RARB: variants seen among roughly 807,000 people sequenced by gnomAD.
RARB encodes retinoic acid receptor beta.
In RARB, 17 loss-of-function variants were observed where a neutral mutation model predicts 51.9. That is an observed-to-expected ratio of 0.33 (90% CI 0.22 to 0.49). The LOEUF (loss-of-function observed/expected upper bound fraction) is 0.49. RARB is among the 20% of genes least tolerant of loss of function. RARB has a pLI of 0.99. For synonymous variants in RARB, 215 were observed against 195.4 expected (o/e 1.10, Z -0.84); for missense variants, 369 against 550.8 (o/e 0.67, Z 3.30).
intron 2 of RARB, among the ~76,000 whole-genome samples, chr3:25,030,990 A>G (rs949828655): frequency 2.6e-5 from 4 of 152,186 alleles, no homozygotes; most frequent in African/African-American, 9.7e-5. Context: ...CTACTATAGG[A>G]ATGTAACCCT....
chr3:25,078,525 C>T (rs1698921335), intron 3 of RARB, among the ~76,000 whole-genome samples: 1 of 131,418 alleles, frequency 7.6e-6, no homozygotes, highest in South Asian at 2.4e-4. Context: ...GCAAGTCCTC[C>T]AACTTTCTAT....
intron 1 of RARB, among the ~76,000 whole-genome samples, chr3:24,836,526 A>T (rs1363891589): frequency 1.3e-5 from 2 of 152,168 alleles, no homozygotes; most frequent in Non-Finnish European, 2.9e-5. Flanking sequence ...TAATCAGAAT[A>T]TGACATTTAT....
chr3:25,044,596 G>A (rs988091303), intron 2 of RARB, among the ~76,000 whole-genome samples: 3 of 152,198 alleles, frequency 2.0e-5, no homozygotes, highest in African/African-American at 7.2e-5. Flanking sequence ...GCCGGCACAT[G>A]CCTGGCTTAT....
chr3:25,066,484 T>C (rs1698664597), intron 3 of RARB, among the ~76,000 whole-genome samples: 1 of 152,186 alleles, frequency 6.6e-6, no homozygotes, highest in African/African-American at 2.4e-5. Context: ...AAAGGCAGTA[T>C]GGGCAAATCC....
chr3:25,493,897 C>T (rs534729833), intron 2 of RARB, among the ~76,000 whole-genome samples: 1 of 152,280 alleles, frequency 6.6e-6, no homozygotes, highest in South Asian at 2.1e-4. Context: ...AAATAACTTC[C>T]ATTCAAAACA....
At chr3:25,539,532 C>CTTTTTTTTTTTTTTTTTTTT (rs56693487) in intron 3 of RARB, among the ~76,000 whole-genome samples, 1 of 102,428 alleles carries the variant, frequency 9.8e-6, no homozygotes, top group African/African-American at 4.3e-5. Context: ...CTCTCTCTCT[C>CTTTTTTTTTTTTTTTTTTTT]TTTTTTTTTT....
chr3:24,967,261 A>G (rs958128641), intron 2 of RARB, among the ~76,000 whole-genome samples: 1 of 152,078 alleles, frequency 6.6e-6, no homozygotes, highest in Non-Finnish European at 1.5e-5. Flanking sequence ...TCCCTCAGCT[A>G]GATTTATTCC....
intron 5 of RARB, among the ~76,000 whole-genome samples, chr3:25,219,348 G>A (rs1202709956): frequency 6.6e-6 from 1 of 152,062 alleles, no homozygotes; most frequent in Admixed American, 6.5e-5. Context: ...TTTTCTGGCT[G>A]TTCCTGTAAA....
intron 5 of RARB, among the ~76,000 whole-genome samples, chr3:25,190,144 A>T (rs1701065303): frequency 6.6e-6 from 1 of 152,054 alleles, no homozygotes; most frequent in African/African-American, 2.4e-5. Flanking sequence ...TTGTCAATGG[A>T]AAATCATAGT....
At chr3:25,304,460 A>G (rs1318293832) in intron 5 of RARB, among the ~76,000 whole-genome samples, 1 of 152,156 alleles carries the variant, frequency 6.6e-6, no homozygotes, top group African/African-American at 2.4e-5. Context: ...TTTCTTCACT[A>G]TTCAACTTGT....
chr3:24,933,270 AT>A (rs1357922298), intron 2 of RARB, among the ~76,000 whole-genome samples: 2 of 149,416 alleles, frequency 1.3e-5, no homozygotes, highest in Non-Finnish European at 3.0e-5. Flanking sequence ...CCATAACTAT[AT>A]TTCACTATAC....
At chr3:25,486,941 A>G (rs940654545) in intron 2 of RARB, among the ~76,000 whole-genome samples, 4 of 152,176 alleles carry the variant, frequency 2.6e-5, no homozygotes, top group African/African-American at 9.7e-5. Context: ...AGATTAGGAC[A>G]AGGTTTGGAT....
At chr3:25,369,107 T>C (rs1157958805) in intron 5 of RARB, among the ~76,000 whole-genome samples, 3 of 152,214 alleles carry the variant, frequency 2.0e-5, no homozygotes. Context: ...TACATAGCAA[T>C]TTCTTTCACC....
intron 3 of RARB, among the ~76,000 whole-genome samples, chr3:25,526,697 T>C (rs1698666745): frequency 6.6e-6 from 1 of 152,120 alleles, no homozygotes; most frequent in South Asian, 2.1e-4. Flanking sequence ...GATGAGTGGG[T>C]GAATGAATGG....
At chr3:24,885,036 C>A (rs928704178) in intron 2 of RARB, among the ~76,000 whole-genome samples, 3 of 152,070 alleles carry the variant, frequency 2.0e-5, no homozygotes, top group Non-Finnish European at 2.9e-5. Context: ...AGGACCTTGA[C>A]GATTTTAGCC....
At chr3:25,344,667 C>T (rs1384808160) in intron 5 of RARB, among the ~76,000 whole-genome samples, 1 of 152,172 alleles carries the variant, frequency 6.6e-6, no homozygotes, top group African/African-American at 2.4e-5. Context: ...GCAAGCTCCT[C>T]ATTATGGGAA....
chr3:25,210,529 C>CTTTTTTGTTTTTTTTTTTTTTTTTTTTT (rs1701667208), intron 5 of RARB, among the ~76,000 whole-genome samples: 1 of 27,618 alleles, frequency 3.6e-5, no homozygotes, highest in Non-Finnish European at 8.7e-5. Context: ...TTATCTGATT[C>CTTTTTTGTTTTTTTTTTTTTTTTTTTTT]TTTTTTTTTT....
At chr3:25,228,704 C>G (rs1702111712) in intron 5 of RARB, among the ~76,000 whole-genome samples, 1 of 152,024 alleles carries the variant, frequency 6.6e-6, no homozygotes, top group African/African-American at 2.4e-5. Context: ...TTGATCCTTG[C>G]TAAGTTCTCT....
chr3:24,920,580 T>G (rs11716615), intron 2 of RARB, among the ~76,000 whole-genome samples: 121,058 of 145,872 alleles, frequency 0.83, 48,805 homozygotes, highest in East Asian at 1. Context: ...ACAAAGAGAG[T>G]GTGGCATGGC....
Sources: allele counts gnomAD v4.1 joint callset (sites outside exome capture counted in the v4.1 genomes callset), GRCh38; gene constraint gnomAD v4.1.1; transcripts MANE v1.5; gene names NCBI Gene and HGNC (gene_info 2026-07-23, HGNC 2026-07-21).